DRG1: variants seen among roughly 807,000 people sequenced by gnomAD.
DRG1 encodes developmentally-regulated GTP-binding protein 1.
DRG1 carries 19 observed loss-of-function variants against 38.8 expected under a neutral mutation model. That is an observed-to-expected ratio of 0.49 (90% CI 0.34 to 0.72). The LOEUF is 0.72. Among genes scored for constraint, DRG1 ranks in the 30% least tolerant of loss-of-function variants. The pLI is 0.01. For synonymous variants in DRG1, 167 were observed against 157.5 expected (o/e 1.06, Z -0.45); for missense variants, 299 against 444.8 (o/e 0.67, Z 2.95).
intron 8 of DRG1, among the ~76,000 whole-genome samples, chr22:31,428,061 A>G (rs2050120484): frequency 6.6e-6 from 1 of 152,070 alleles, no homozygotes; most frequent in South Asian, 2.1e-4. Flanking sequence ...TTTGTTTCCC[A>G]GGCTGGTCTT....
chr22:31,405,742 G>T (rs1269655617), intron 3 of DRG1, among the ~76,000 whole-genome samples: 1 of 152,010 alleles, frequency 6.6e-6, no homozygotes, highest in East Asian at 1.9e-4. Flanking sequence ...AGGCTGGAGT[G>T]CAGTGGCGTG....
intron 3 of DRG1, among the ~76,000 whole-genome samples, chr22:31,408,851 C>A (rs1028946843): frequency 6.6e-6 from 1 of 150,536 alleles, no homozygotes; most frequent in Non-Finnish European, 1.5e-5. Context: ...ATTTGCCATA[C>A]AGTAGACCCT....
At chr22:31,419,664 C>A (rs968019929) in intron 4 of DRG1, among the ~76,000 whole-genome samples, 7 of 151,946 alleles carry the variant, frequency 4.6e-5, no homozygotes, top group African/African-American at 1.7e-4. Flanking sequence ...GGTGGTTACA[C>A]AGGTATATAC....
At position 31,420,438 on chromosome 22, in the gene DRG1, T is replaced by C; in HGVS notation, c.582+13T>C. ...TCTCACAGCCACTGTAAGTGGGGAA[T>C]ATGACATGGGGCAGGCTGCTGCAGG... On this transcript the variant is annotated intron_variant, in intron 5 of 8. Transcript: ENST00000331457. 6.2e-7 allele frequency: 1 copy of C among 1,614,036 alleles called. No individual in the cohort carries two copies. Among genetic ancestry groups the C allele is most frequent in the Non-Finnish European group, 8.5e-7 (1 of 1,179,962 alleles).
intron 4 of DRG1, among the ~76,000 whole-genome samples, chr22:31,417,329 C>T (rs1394454021): frequency 6.6e-6 from 1 of 151,748 alleles, no homozygotes; most frequent in African/African-American, 2.4e-5. Flanking sequence ...CGAGATTGCA[C>T]CACTGCACTC....
chr22:31,418,976 G>T (rs904807567), intron 4 of DRG1, among the ~76,000 whole-genome samples: 1 of 151,566 alleles, frequency 6.6e-6, no homozygotes, highest in Non-Finnish European at 1.5e-5. Context: ...CCACTGCGCC[G>T]GCCAGTTTTT....
At chr22:31,408,743 A>C (rs567995810) in intron 3 of DRG1, among the ~76,000 whole-genome samples, 1 of 107,314 alleles carries the variant, frequency 9.3e-6, no homozygotes, top group South Asian at 3.3e-4. Context: ...ATAGAGCGAG[A>C]CTCATTCTCA....
At chr22:31,403,977 C>CTTTTTTTT (rs11295429) in intron 3 of DRG1, among the ~76,000 whole-genome samples, 4 of 81,800 alleles carry the variant, frequency 4.9e-5, no homozygotes, top group Non-Finnish European at 6.8e-5. Context: ...AAGAGAATAA[C>CTTTTTTTT]TTTTTTTTTT....
intron 8 of DRG1, among the ~76,000 whole-genome samples, chr22:31,429,370 G>A (rs1021574835): frequency 2.6e-5 from 4 of 151,858 alleles, no homozygotes; most frequent in African/African-American, 9.7e-5. Context: ...TGCCTGCCTC[G>A]GCCTCCCAAA....
At chr22:31,432,055 T>C (rs2050142173) in intron 8 of DRG1, among the ~76,000 whole-genome samples, 1 of 149,232 alleles carries the variant, frequency 6.7e-6, no homozygotes, top group African/African-American at 2.5e-5. Context: ...TTTTTTTTTT[T>C]CTTTAATTAT....
At chr22:31,403,243 A>C (rs750332682) in intron 3 of DRG1, 39 bp downstream of exon 3, 2 of 1,556,484 alleles carry the variant, frequency 1.3e-6, no homozygotes, top group African/African-American at 2.7e-5. Flanking sequence ...AAAGAAATCT[A>C]TTCTTCATTT....
intron 6 of DRG1, among the ~76,000 whole-genome samples, chr22:31,426,273 G>C (rs2050109842): frequency 6.6e-6 from 1 of 152,078 alleles, no homozygotes; most frequent in African/African-American, 2.4e-5. Flanking sequence ...GTGTCTGTGG[G>C]TTTTTGATCT....
chr22:31,429,133 A>C (rs2050126221), intron 8 of DRG1, among the ~76,000 whole-genome samples: 1 of 151,974 alleles, frequency 6.6e-6, no homozygotes. Context: ...TGTTTGTGAC[A>C]TTTATGGCTA....
At chr22:31,410,816 CAAA>C (rs201082892) in intron 3 of DRG1, among the ~76,000 whole-genome samples, 193 bp from the exon 4 acceptor site, 1 of 129,032 alleles carries the variant, frequency 7.8e-6, no homozygotes. Context: ...ACTCCATCTC[CAAA>C]AAAAAAAAAG....
chr22:31,400,567 C>G, intron 1 of DRG1, 53 bp from the exon 2 acceptor site: 2 of 1,594,132 alleles, frequency 1.3e-6, no homozygotes, highest in Non-Finnish European at 1.7e-6. Context: ...CCTCTCAAAG[C>G]TGGGGGAAGC....
chr22:31,405,675 GT>G (rs1305106256), intron 3 of DRG1, among the ~76,000 whole-genome samples: 3 of 150,358 alleles, frequency 2.0e-5, no homozygotes, highest in East Asian at 4.0e-4. Flanking sequence ...GCATGTGTGT[GT>G]GTGTGGGGGG....
intron 8 of DRG1, 115 bp from the exon 9 acceptor site, chr22:31,433,757 G>A: frequency 1.2e-6 from 1 of 823,818 alleles, no homozygotes; most frequent in Non-Finnish European, 1.9e-6. Context: ...GCTTTTGTAG[G>A]TCTATGGTTC....
rs140084068 is a variant in DRG1 at position 31,432,854 on chromosome 22, C to T, written c.1005-1018C>T. On this transcript the variant is annotated intron_variant, in intron 8 of 8. Transcript: ENST00000331457. ...AATTAGAGGCATGAGCCACCGTGCC[C>T]GGCCTGGAATATAGATTTTTTAAAG... is the stretch of plus-strand genomic sequence containing the variant. 6.2e-3 allele frequency among the ~76,000 whole-genome samples: 944 copies of T among 152,184 alleles called. 13 individuals carry two copies. The highest frequency in any genetic ancestry group is 0.021 in the African/African-American group (856 of 41,528).
intron 3 of DRG1, among the ~76,000 whole-genome samples, chr22:31,410,505 C>CT (rs1171192390): frequency 1.3e-5 from 2 of 151,768 alleles, no homozygotes; most frequent in Admixed American, 1.3e-4. Flanking sequence ...TCTCCCAAAA[C>CT]TAACAGACAA....
Sources: allele counts gnomAD v4.1 joint callset (sites outside exome capture counted in the v4.1 genomes callset), GRCh38; gene constraint gnomAD v4.1.1; transcripts MANE v1.5; gene names NCBI Gene and HGNC (gene_info 2026-07-23, HGNC 2026-07-21).